Variants in BMP4 observed in about 807,000 individuals in gnomAD.
BMP4 encodes the protein bone morphogenetic protein 2B.
BMP4 carries 3 observed loss-of-function variants against 29.6 expected under a neutral mutation model. The observed-to-expected ratio is 0.10, with a 90% CI of 0.05 to 0.26. The LOEUF (loss-of-function observed/expected upper bound fraction) is 0.26, where lower values mean the gene tolerates loss of function less well. Ranked by LOEUF, BMP4 falls within the 10% of genes least tolerant of loss-of-function variation. The pLI is 1.00. For synonymous variants in BMP4, 197 were observed against 213.2 expected, an observed-to-expected ratio of 0.92 and a Z score of 0.66; for missense variants, 455 against 550.2, an observed-to-expected ratio of 0.83 and a Z score of 1.73.
In BMP4 at chr14:53,952,083, G is replaced by A. The variant is rs1895459577; in HGVS notation, c.140C>T (p.Ser47Leu). 6.2e-7 allele frequency: 1 copy of A among 1,614,112 alleles called. No homozygotes were observed. The highest frequency in any genetic ancestry group is 2.2e-5 in the East Asian group (1 of 44,864). Reference sequence around the variant, plus strand: ...CCGCAGGAGCTCATGGCTCTGCCCTGAGCGGCGTCCTCCCGCGTGGCCCTG... The same window carrying A: ...CCGCAGGAGCTCATGGCTCTGCCCTAAGCGGCGTCCTCCCGCGTGGCCCTG... ...EIQGHAGGRR[S>L]GQSHELLRDF... Residue 47 changes from serine to leucine, a missense_variant, in exon 3 of 4, where the codon TCA (serine) becomes TTA (leucine). By Grantham distance (145) the Ser-to-Leu change is moderately radical. Coordinates refer to ENST00000245451, the MANE Select transcript of BMP4 (RefSeq NM_001202.6).
intron 2 of BMP4, among the ~76,000 whole-genome samples, chr14:53,953,042 T>A (rs950729903): frequency 3.9e-5 from 6 of 152,118 alleles, no homozygotes; most frequent in Non-Finnish European, 7.4e-5. Flanking sequence ...TTTAGCTCCC[T>A]CGCGCTCCCC....
chr14:53,952,885 G>A (rs1426184784), intron 2 of BMP4, among the ~76,000 whole-genome samples: 1 of 152,206 alleles, frequency 6.6e-6, no homozygotes, highest in Non-Finnish European at 1.5e-5. Flanking sequence ...CCCCAGGGAA[G>A]GGGTGAGAGA....
rs1386537920 is a variant in BMP4 at position 53,951,818 on chromosome 14, G to T, written c.370+35C>A. 5 of 1,596,678 alleles carry T rather than the reference G, an allele frequency of 3.1e-6. No homozygotes were observed. The East Asian group carries it at 8.9e-5, about 28-fold the overall frequency. ...ACTGCCCCTCTAGCCAGTCCCACCAGCCCTCCCCCACGCAGACTGGGGGAA... is the reference window on the plus strand; with the variant it reads ...ACTGCCCCTCTAGCCAGTCCCACCATCCCTCCCCCACGCAGACTGGGGGAA... On this transcript the variant is annotated intron_variant, in intron 3 of 3. Coordinates refer to ENST00000245451, the MANE Select transcript of BMP4 (RefSeq NM_001202.6).
rs767216159 is a variant in BMP4 at position 53,950,809 on chromosome 14, G to A, written c.450C>T (p.Asn150=). The change falls in exon 4 of 4, where the codon AAC becomes AAT. Residue 150 remains asparagine, a synonymous_variant. Coordinates refer to ENST00000245451, the MANE Select transcript of BMP4 (RefSeq NM_001202.6). This position sits in a 1 kb window ranked among gnomAD's most constrained non-coding sequence, Gnocchi z 5.4. ...GAAGCTCTGCAGAGGAGATCACCTC[G>A]TTCTCAGGGATGCTGCTGAGGTTAA... The part of the protein sequence containing the change: ...FLFNLSSIPE[N]EVISSAELRL... 9.1e-5 allele frequency: 147 copies of A among 1,612,356 alleles called. 1 individual carries two copies. The East Asian group carries it at 1.1e-3, about 12-fold the overall frequency.
At chr14:53,952,391 C>G (rs909039688) in intron 2 of BMP4, among the ~76,000 whole-genome samples, 162 bp from the exon 3 acceptor site, 3 of 150,680 alleles carry the variant, frequency 2.0e-5, no homozygotes, top group Non-Finnish European at 3.0e-5. Context: ...TCACACCACC[C>G]GCCCACCCAC....
At position 53,956,706 on chromosome 14, in the gene BMP4, G is replaced by A. The variant is rs1895733448; in HGVS notation, c.-289C>T. ...GGGAGACAAGCTAGATACTCAGCCG[G>A]AGCAGCAGCGGCGTCTCAGGCTCGC... On this transcript the variant is annotated 5_prime_UTR_variant, in exon 1 of 4. Coordinates refer to ENST00000245451, the MANE Select transcript of BMP4 (RefSeq NM_001202.6). 1 of 399,082 alleles carries A rather than the reference G, an allele frequency of 2.5e-6. No homozygotes were observed. Among genetic ancestry groups the A allele is most frequent in the African/African-American group, 2.1e-5 (1 of 48,620 alleles). 24.7% of individuals were successfully genotyped at this position (399,082 alleles called of 1,614,324 possible).
chr14:53,951,910 C>G lies in BMP4; in HGVS notation c.313G>C (p.Glu105Gln). 4 of 1,603,164 alleles carry G rather than the reference C, an allele frequency of 2.5e-6. No individual in the cohort carries two copies. Among genetic ancestry groups the G allele is most frequent in the Middle Eastern group, 3.3e-4 (2 of 6,056 alleles). Residue 105 changes from glutamate to glutamine, a missense_variant, in exon 3 of 4, where the codon GAG (glutamate) becomes CAG (glutamine). Glu to Gln is a conservative substitution (Grantham distance 29). Around this residue, in one of 4 missense-constraint regions of BMP4, gnomAD observed 249 missense variants for 284.6 expected, o/e 0.87. Transcript: ENST00000245451. ...EEEQIHSTGL[E>Q]YPERPASRAN... The stretch of plus-strand genomic sequence containing the variant: ...CGGCTGGCCGGGCGCTCAGGATACT[C>G]AAGACCAGTGCTGTGGATCTGCTCT...
In BMP4 at chr14:53,949,981, GGT is replaced by G. The variant is rs756379131; in HGVS notation, c.*49_*50del. ...GGGAACGTGTGTGTGTGGTGTATGT[GGT>G]GTGTGTGTGTGGTGTGTATATCTGT... On this transcript the variant is annotated 3_prime_UTR_variant, in exon 4 of 4. Coordinates refer to ENST00000245451, the MANE Select transcript of BMP4 (RefSeq NM_001202.6). 2.7e-4 allele frequency: 416 copies of G among 1,564,728 alleles called. No homozygotes were observed. Among genetic ancestry groups the G allele is most frequent in the Middle Eastern group, 3.4e-4 (2 of 5,962 alleles).
At chr14:53,953,540 A>G (rs1448983580) in intron 1 of BMP4, 140 bp from the exon 2 acceptor site, 4 of 383,586 alleles carry the variant, frequency 1.0e-5, no homozygotes, top group Admixed American at 4.5e-5. Context: ...CCTCCTCCAC[A>G]GCCCCCCGCC....
In BMP4 at chr14:53,949,836, A is replaced by T; in HGVS notation, c.*196T>A. Reference sequence around the variant, plus strand: ...TGATCAATATGGTCAAAACATTTGCACGTAAAGTCATAAATAAGGTCAAGG... The same window carrying T: ...TGATCAATATGGTCAAAACATTTGCTCGTAAAGTCATAAATAAGGTCAAGG... On this transcript the variant is annotated 3_prime_UTR_variant, in exon 4 of 4. Coordinates refer to ENST00000245451, the MANE Select transcript of BMP4 (RefSeq NM_001202.6). 1.7e-6 allele frequency: 1 copy of T among 584,706 alleles called. No individual in the cohort carries two copies. The highest frequency in any genetic ancestry group is 2.9e-6 in the Non-Finnish European group (1 of 343,018). The allele number at this position is 584,706 out of a possible 1,614,324, so 36.2% of individuals were successfully genotyped here.
At position 53,956,509 on chromosome 14, in the gene BMP4, C is replaced by A. The variant is rs1895725389; in HGVS notation, c.-133+41G>T. On this transcript the variant is annotated intron_variant, in intron 1 of 3. Transcript: ENST00000245451. ...TCTTCCCCCCAAGGAGGCTCCTAGA[C>A]CCCCTCTGCCTGTCTCCCCTCACCA... 3 of 399,652 alleles carry A rather than the reference C, an allele frequency of 7.5e-6. No homozygotes were observed. The East Asian group carries it at 1.1e-4, about 14-fold the overall frequency. The allele number at this position is 399,652 out of a possible 1,614,324, so 24.8% of individuals were successfully genotyped here.
chr14:53,952,388 A>T (rs35107139), intron 2 of BMP4, among the ~76,000 whole-genome samples, 159 bp from the exon 3 acceptor site: 4 of 148,828 alleles, frequency 2.7e-5, no homozygotes, highest in Admixed American at 6.7e-5. Flanking sequence ...CCCTCACACC[A>T]CCCGCCCACC....
Position 53,950,361 on chromosome 14 carries a change from G to A in BMP4, c.898C>T (p.Arg300Trp), listed in dbSNP as rs182373336. Reference protein sequence around the residue: ...AKRSPKHHSQRARKKNKNCRR... With the variant: ...AKRSPKHHSQWARKKNKNCRR... ...CAGTTCTTATTCTTCTTCCTGGCCC[G>A]CTGTGAGTGATGCTTAGGGCTACGC... Residue 300 changes from arginine (R) to tryptophan (W), a missense_variant, in exon 4 of 4, where the codon CGG becomes TGG. This residue lies in a region of BMP4 where 154 missense variants were observed against 156.8 expected (regional missense o/e 0.98). Coordinates refer to ENST00000245451, the MANE Select transcript of BMP4 (RefSeq NM_001202.6). The surrounding 1 kb of genome is among the most constrained non-coding windows in gnomAD (Gnocchi z 5.4). 3.3e-5 allele frequency: 53 copies of A among 1,613,960 alleles called. No homozygotes were observed. The highest frequency in any genetic ancestry group is 4.5e-5 in the East Asian group (2 of 44,872).
At chr14:53,952,411 C>G (rs1480217812) in intron 2 of BMP4, among the ~76,000 whole-genome samples, 182 bp from the exon 3 acceptor site, 1 of 151,774 alleles carries the variant, frequency 6.6e-6, no homozygotes, top group Non-Finnish European at 1.5e-5. Flanking sequence ...CCAGCTGCAG[C>G]CATGCACGGC....
In BMP4 at chr14:53,956,609, G is replaced by A. The variant is rs1895729718; in HGVS notation, c.-192C>T. ...AGCTCCTGGGGACCTCTGAACGGTT[G>A]CAGTGAACCTGGGCGAGGGCCGGGG... On this transcript the variant is annotated 5_prime_UTR_variant, in exon 1 of 4. It introduces an in-frame stop codon into an upstream open reading frame of the 5' UTR. Transcript: ENST00000245451. 5.0e-6 allele frequency: 2 copies of A among 399,254 alleles called. No individual in the cohort carries two copies. The highest frequency in any genetic ancestry group is 4.4e-5 in the Admixed American group (1 of 22,714). 24.7% of individuals were successfully genotyped at this position (399,254 alleles called of 1,614,324 possible).
intron 1 of BMP4, among the ~76,000 whole-genome samples, chr14:53,953,716 C>T (rs935977212): frequency 1.3e-5 from 2 of 152,040 alleles, no homozygotes; most frequent in Non-Finnish European, 2.9e-5. Flanking sequence ...ACCCGGTTCT[C>T]GGCGCGGTGC....
rs796563569 is a variant in BMP4, at chr14:53,949,883, C to CATTTTTTTTTTTTTTTTTTTTT, written c.*148_*149insAAAAAAAAAAAAAAAAAAAAAT. 4.7e-6 allele frequency: 3 copies of CATTTTTTTTTTTTTTTTTTTTT among 644,332 alleles called. No homozygotes were observed. The highest frequency in any genetic ancestry group is 7.1e-6 in the Non-Finnish European group (3 of 423,660). 39.9% of individuals were successfully genotyped at this position (644,332 alleles called of 1,614,324 possible). A position where few individuals can be genotyped will look rare whatever the true frequency, so the allele number is the denominator to read the frequency against. ...AAGGTGAATGTTTAGGGATTTTTTC[C>CATTTTTTTTTTTTTTTTTTTTT]TTTTTTTTTTTTTTTTTTAAATAAA... On this transcript the variant is annotated 3_prime_UTR_variant, in exon 4 of 4. Transcript: ENST00000245451.
rs551501626 is a variant in BMP4 at position 53,950,208 on chromosome 14, A to C, written c.1051T>G (p.Ser351Ala). The stretch of plus-strand genomic sequence containing the variant: ...GTCTGCACAATGGCATGGTTGGTTG[A>C]GTTGAGGTGGTCAGCCAGTGGAAAG... Reference protein sequence around the residue: ...CPFPLADHLNSTNHAIVQTLV... With the variant: ...CPFPLADHLNATNHAIVQTLV... Residue 351 changes from serine (S) to alanine (A), a missense_variant, in exon 4 of 4, where the codon TCA becomes GCA. Coordinates refer to ENST00000245451, the MANE Select transcript of BMP4 (RefSeq NM_001202.6). This position sits in a 1 kb window ranked among gnomAD's most constrained non-coding sequence, Gnocchi z 5.4. 1 of 1,614,208 alleles carries C rather than the reference A, an allele frequency of 6.2e-7. No individual in the cohort carries two copies. The highest frequency in any genetic ancestry group is 1.1e-5 in the South Asian group (1 of 91,090).
chr14:53,950,585 G>A lies in BMP4; in HGVS notation c.674C>T (p.Thr225Ile), dbSNP rs1464966808. The A allele has an allele frequency of 6.2e-7, 1 of 1,614,264 alleles. No individual in the cohort carries two copies. Among genetic ancestry groups the A allele is most frequent in the Admixed American group, 1.7e-5 (1 of 60,030 alleles). Residue 225 changes from threonine (T) to isoleucine (I), a missense_variant, in exon 4 of 4, where the codon ACC becomes ATC. Thr to Ile is a moderately conservative substitution (Grantham distance 89). Around this residue, in one of 4 missense-constraint regions of BMP4, gnomAD observed 154 missense variants for 156.8 expected, o/e 0.98. Coordinates refer to ENST00000245451, the MANE Select transcript of BMP4 (RefSeq NM_001202.6). The surrounding 1 kb of genome is among the most constrained non-coding windows in gnomAD (Gnocchi z 5.4). ...CCCATAGTTTGGCTGCTTCTCCCGG[G>A]TCCAGCGAAGGACCGCAGGGCTCAC... is the stretch of plus-strand genomic sequence containing the variant. ...FDVSPAVLRW[T>I]REKQPNYGLA...
Sources: gnomAD v4.1 joint callset for allele counts (sites outside exome capture counted in the v4.1 genomes callset) on GRCh38, gnomAD v4.1.1 for gene constraint, gnomAD v4.1.1 regional missense constraint, Gnocchi (gnomAD v3.1) non-coding constraint, MANE v1.5 for transcripts, NCBI Gene and HGNC (gene_info 2026-07-23, HGNC 2026-07-21) for gene names.